Variants in ANKRD26 observed in about 807,000 individuals in gnomAD.
ANKRD26 encodes ankyrin repeat domain-containing protein 26.
Under a neutral mutation model 208.7 loss-of-function variants are expected in ANKRD26, and 141 were observed. That is an observed-to-expected ratio of 0.68 (90% confidence interval 0.59 to 0.78). The LOEUF is 0.78. Among genes scored for constraint, ANKRD26 ranks in the 30% least tolerant of loss-of-function variants. The probability of loss-of-function intolerance (pLI) is 0.00; values close to 1 mark genes in which losing one functional copy is unlikely to be tolerated. For synonymous variants in ANKRD26, 636 were observed against 660.4 expected (o/e 0.96, Z 0.57); for missense variants, 1,889 against 1,938.7 (o/e 0.97, Z 0.48).
the ANKRD26 span, among the ~76,000 whole-genome samples, chr10:26,954,549 A>ATCCTGCT: frequency 1.3e-5 from 2 of 152,206 alleles, no homozygotes; most frequent in African/African-American, 4.8e-5. Context: ...TTAAAAAAAA[A>ATCCTGCT]ATCCTGCTAG....
exon 6 of ANKRD26, among the ~76,000 whole-genome samples, chr10:26,975,858 TAATA>T (rs1554766788): frequency 2.0e-5 from 3 of 150,834 alleles, no homozygotes; most frequent in African/African-American, 7.3e-5. Context: ...AATAAATAAA[TAATA>T]AATAAATAAA....
At chr10:26,990,529 G>A (rs958952207), downstream of ANKRD26, among the ~76,000 whole-genome samples, 2 of 152,144 alleles carry the variant, frequency 1.3e-5, no homozygotes, top group Non-Finnish European at 2.9e-5. Context: ...TTAAGGTGCA[G>A]GAGAGGTCAG....
chr10:27,086,811 A>G (rs529533667), intron 4 of ANKRD26, among the ~76,000 whole-genome samples: 1 of 121,590 alleles, frequency 8.2e-6, no homozygotes, highest in Non-Finnish European at 1.6e-5. Flanking sequence ...TTACTCTGTC[A>G]CCCAGGCTGG....
intron 32 of ANKRD26, 103 bp downstream of exon 32, chr10:27,012,779 T>G: frequency 8.4e-7 from 1 of 1,188,986 alleles, no homozygotes. Flanking sequence ...ACCACTGCAC[T>G]CCAGCCTGGA....
At chr10:26,972,213 C>T (rs1303341370), downstream of ANKRD26, among the ~76,000 whole-genome samples, 14 of 141,664 alleles carry the variant, frequency 9.9e-5, no homozygotes, top group South Asian at 2.2e-4. Flanking sequence ...CCAGCCTGGG[C>T]GACAGAGCGA....
At chr10:26,998,191 A>T (rs917007046) in intron 4 of ANKRD26, among the ~76,000 whole-genome samples, 2 of 152,362 alleles carry the variant, frequency 1.3e-5, no homozygotes, top group Admixed American at 6.5e-5. Context: ...TTAATAATGT[A>T]TCATTTTTAC....
At chr10:27,072,016 A>G (rs2055522171) in intron 9 of ANKRD26, among the ~76,000 whole-genome samples, 1 of 152,226 alleles carries the variant, frequency 6.6e-6, no homozygotes, top group African/African-American at 2.4e-5. Flanking sequence ...CTCCCAAATG[A>G]GAGCTGCCAT....
downstream of ANKRD26, among the ~76,000 whole-genome samples, chr10:26,970,506 C>A (rs928915670): frequency 2.0e-5 from 3 of 152,146 alleles, no homozygotes; most frequent in Non-Finnish European, 4.4e-5. Flanking sequence ...GCCTGCTCCC[C>A]CTTTGCCTTC....
chr10:26,963,913 T>TG, the ANKRD26 span, among the ~76,000 whole-genome samples: 1 of 136,892 alleles, frequency 7.3e-6, no homozygotes, highest in Non-Finnish European at 1.6e-5. Context: ...GTTTTTTTTT[T>TG]TTTTTTTTTT....
chr10:27,095,691 G>C (rs369131021), intron 1 of ANKRD26, among the ~76,000 whole-genome samples: 1 of 152,090 alleles, frequency 6.6e-6, no homozygotes, highest in African/African-American at 2.4e-5. Context: ...AATAAGAGGA[G>C]GGAGGAAAAG....
At chr10:27,061,355 GT>G in intron 12 of ANKRD26, 113 bp from the exon 13 acceptor site, 2 of 658,072 alleles carry the variant, frequency 3.0e-6, no homozygotes, top group South Asian at 4.0e-5. Context: ...AATTAGTGCA[GT>G]TTTTTAAAAT....
rs541925895 is a variant in ANKRD26, at chr10:27,095,616, C to T, written c.243-1817G>A. Among the ~76,000 whole-genome samples, 50 of 152,204 alleles carry T rather than the reference C, an allele frequency of 3.3e-4. 1 individual carries two copies. The South Asian group carries it at 8.9e-3, about 27-fold the overall frequency. Reference sequence around the variant, plus strand: ...CCCTGGTGGCAGAGTTGGAGTAAGCCGAGATCATGCCACTTTACTCCAGCC... The same window carrying T: ...CCCTGGTGGCAGAGTTGGAGTAAGCTGAGATCATGCCACTTTACTCCAGCC... On this transcript the variant is annotated intron_variant, in intron 1 of 33. Transcript: ENST00000376087.
chr10:27,061,724 C>T lies in ANKRD26; in HGVS notation c.1364-482G>A, dbSNP rs1042870704. Among the ~76,000 whole-genome samples the T allele has an allele frequency of 7.9e-5, 12 of 151,944 alleles. No individual in the cohort carries two copies. In the South Asian group the frequency reaches 8.3e-4, roughly 11 times the overall value. ...CGAACTACAGGCCCATGCACCACCA[C>T]GCCTAATTTTTGTATGTTTTTGTAG... On this transcript the variant is annotated intron_variant, in intron 12 of 33. Coordinates refer to ENST00000376087, the MANE Select transcript of ANKRD26 (RefSeq NM_014915.3).
In ANKRD26 at chr10:27,033,082, CA is replaced by C. The variant is rs34308599; in HGVS notation, c.3807+142del. The C allele has an allele frequency of 0.17, 57,046 of 337,164 alleles. 854 individuals are homozygous for C. Among genetic ancestry groups the C allele is most frequent in the East Asian group, 0.26 (3,725 of 14,306 alleles). The allele number at this position is 337,164 out of a possible 1,614,324, so 20.9% of individuals were successfully genotyped here. A position where few individuals can be genotyped will look rare whatever the true frequency, so the allele number is the denominator to read the frequency against. On this transcript the variant is annotated intron_variant, in intron 25 of 33. Coordinates refer to ENST00000376087, the MANE Select transcript of ANKRD26 (RefSeq NM_014915.3). ...TGGGCAATAGAACGAGACTCCATCT[CA>C]AAAAAAAAAAAAAGATAATAAAATT...
intron 20 of ANKRD26, among the ~76,000 whole-genome samples, chr10:27,042,953 A>T (rs1225023124): frequency 2.6e-5 from 2 of 77,326 alleles, no homozygotes; most frequent in African/African-American, 6.7e-5. Context: ...ATTTTGTCTC[A>T]AAAAAAAAAA....
Position 27,035,640 on chromosome 10 carries a change from T to C in ANKRD26, c.2810A>G (p.Glu937Gly). ...GTCCTCAAAACATTTCTTTTCTTTT[T>C]CCTGGTTTTGATTTTTTATTGTGTC... ...EIDTIKNQNQEKEKKCFEDLK... is the reference protein window; with the variant it reads ...EIDTIKNQNQGKEKKCFEDLK... The change falls in exon 24 of 34, where the codon GAA (glutamate) becomes GGA (glycine). Residue 937 changes from glutamate (E) to glycine (G), a missense_variant. Glu to Gly is a moderately conservative substitution (Grantham distance 98). Around this residue, in one of 3 missense-constraint regions of ANKRD26, gnomAD observed 1,272 missense variants for 1,273.8 expected, o/e 1.00. Coordinates refer to ENST00000376087, the MANE Select transcript of ANKRD26 (RefSeq NM_014915.3). 6.3e-7 allele frequency: 1 copy of C among 1,590,716 alleles called. No homozygotes were observed. Among genetic ancestry groups the C allele is most frequent in the Non-Finnish European group, 8.5e-7 (1 of 1,172,654 alleles).
chr10:27,092,969 GCTA>G (rs2135729533), intron 3 of ANKRD26, among the ~76,000 whole-genome samples: 2 of 152,252 alleles, frequency 1.3e-5, no homozygotes, highest in South Asian at 4.1e-4. Context: ...TGTAATCCCA[GCTA>G]CTCAGGAGGC....
Position 27,044,298 on chromosome 10 carries a change from C to T in ANKRD26, c.1986-108G>A, listed in dbSNP as rs190735646. The T allele has an allele frequency of 3.6e-4, 354 of 995,400 alleles. 1 individual carries two copies. In the African/African-American group the frequency reaches 5.5e-3, roughly 15 times the overall value. The allele number at this position is 995,400 out of a possible 1,614,324, so 61.7% of individuals were successfully genotyped here. A position where few individuals can be genotyped will look rare whatever the true frequency, so the allele number is the denominator to read the frequency against. On this transcript the variant is annotated intron_variant, in intron 18 of 33. Coordinates refer to ENST00000376087, the MANE Select transcript of ANKRD26 (RefSeq NM_014915.3). ...AAGCTCTGCATTTGTAATTTATTTA[C>T]CCTATTCATAAAGTTTACAGGAATC... is the stretch of plus-strand genomic sequence containing the variant.
intron 3 of ANKRD26, among the ~76,000 whole-genome samples, chr10:26,986,030 A>G (rs958416542): frequency 2.9e-4 from 44 of 152,200 alleles, no homozygotes; most frequent in African/African-American, 9.6e-4. Context: ...TTCAAACTAT[A>G]CTACAAGGCT....
Sources: allele counts gnomAD v4.1 joint callset (sites outside exome capture counted in the v4.1 genomes callset), GRCh38; gene constraint gnomAD v4.1.1; regional missense constraint gnomAD v4.1.1; transcripts MANE v1.5; gene names NCBI Gene and HGNC (gene_info 2026-07-23, HGNC 2026-07-21).